Variants in SLC1A1 observed in about 807,000 individuals in gnomAD.
The protein encoded by SLC1A1 is solute carrier family 1 member 1, also known as excitatory amino acid transporter 3.
Under a neutral mutation model 53.3 loss-of-function variants are expected in SLC1A1, and 43 were observed. That is an observed-to-expected ratio of 0.81 (90% confidence interval 0.63 to 1.04). SLC1A1 has a LOEUF of 1.04. Ranked by LOEUF, SLC1A1 falls within the 50% of genes least tolerant of loss-of-function variation. The probability of loss-of-function intolerance (pLI) is 0.00; values close to 1 mark genes in which losing one functional copy is unlikely to be tolerated. For missense variants in SLC1A1, 748 were observed against 664.9 expected (o/e 1.12, Z -1.37); for synonymous variants, 307 against 243.2 (o/e 1.26, Z -2.44).
intron 1 of SLC1A1, among the ~76,000 whole-genome samples, chr9:4,531,658 G>A (rs372588676): frequency 6.6e-6 from 1 of 152,190 alleles, no homozygotes; most frequent in East Asian, 1.9e-4. Context: ...AAAGGCAGCA[G>A]AATCCTCTGC....
At chr9:4,503,010 C>T (rs1405698748) in intron 1 of SLC1A1, among the ~76,000 whole-genome samples, 3 of 151,810 alleles carry the variant, frequency 2.0e-5, no homozygotes, top group Admixed American at 6.6e-5. Context: ...AAATGTTTCA[C>T]TCACTGTTAT....
chr9:4,537,083 AC>A (rs1416635070), intron 1 of SLC1A1, among the ~76,000 whole-genome samples: 3 of 152,066 alleles, frequency 2.0e-5, no homozygotes, highest in East Asian at 3.9e-4. Context: ...TAGGAGATAT[AC>A]CTAATGTTAA....
chr9:4,563,333 C>A (rs1247369386), intron 3 of SLC1A1, among the ~76,000 whole-genome samples: 1 of 152,102 alleles, frequency 6.6e-6, no homozygotes, highest in Admixed American at 6.5e-5. Context: ...AACAAAACCA[C>A]ATCATCTCAT....
At position 4,564,344 on chromosome 9, in the gene SLC1A1, G is replaced by T. The variant is rs1460975286; in HGVS notation, c.326G>T (p.Gly109Val). Reference sequence around the variant, plus strand: ...CTGTGGACGCTGTTCTTGGCCACAGGTATTGTGCTGGTGGTGAGCATCAAG... The same window carrying T: ...CTGTGGACGCTGTTCTTGGCCACAGTTATTGTGCTGGTGGTGAGCATCAAG... ...FCTTLIAVILGIVLVVSIKPG... is the reference protein window; with the variant it reads ...FCTTLIAVILVIVLVVSIKPG... Residue 109 changes from glycine to valine, a missense_variant and splice_region_variant, in exon 4 of 12, where the codon GGT becomes GTT. Coordinates refer to ENST00000262352, the MANE Select transcript of SLC1A1 (RefSeq NM_004170.6). The T allele has an allele frequency of 6.2e-7, 1 of 1,610,194 alleles. No individual in the cohort carries two copies. The highest frequency in any genetic ancestry group is 1.3e-5 in the African/African-American group (1 of 74,848).
intron 1 of SLC1A1, among the ~76,000 whole-genome samples, chr9:4,519,081 G>C (rs566074291): frequency 1.3e-5 from 2 of 152,254 alleles, no homozygotes; most frequent in Admixed American, 1.3e-4. Flanking sequence ...TTATTAGTTT[G>C]CAGGACTGTT....
chr9:4,508,161 C>A (rs1392000047), intron 1 of SLC1A1, among the ~76,000 whole-genome samples: 1 of 151,630 alleles, frequency 6.6e-6, no homozygotes, highest in East Asian at 1.9e-4. Flanking sequence ...CACAGGAATG[C>A]AAACAAGATG....
intron 1 of SLC1A1, among the ~76,000 whole-genome samples, chr9:4,543,537 A>T (rs1429879726): frequency 6.6e-6 from 1 of 152,240 alleles, no homozygotes; most frequent in Non-Finnish European, 1.5e-5. Context: ...CAATATGGGC[A>T]TCTTGTTAAG....
chr9:4,520,959 G>A (rs1477541451), intron 1 of SLC1A1, among the ~76,000 whole-genome samples: 1 of 152,092 alleles, frequency 6.6e-6, no homozygotes, highest in Non-Finnish European at 1.5e-5. Context: ...TTTAAAAATA[G>A]CCATTCTAAT....
At chr9:4,494,840 A>G (rs1004681579) in intron 1 of SLC1A1, among the ~76,000 whole-genome samples, 6 of 152,068 alleles carry the variant, frequency 3.9e-5, no homozygotes, top group African/African-American at 1.4e-4. Flanking sequence ...CCTATTCACA[A>G]TATAATACCT....
chr9:4,548,856 C>CAATAGA (rs1817696847), intron 2 of SLC1A1, among the ~76,000 whole-genome samples: 1 of 152,010 alleles, frequency 6.6e-6, no homozygotes, highest in Non-Finnish European at 1.5e-5. Flanking sequence ...TTGTGGGTAC[C>CAATAGA]AATAGAATCC....
At position 4,490,468 on chromosome 9, in the gene SLC1A1, G is replaced by C; in HGVS notation, c.-212G>C. 1 of 333,590 alleles carries C rather than the reference G, an allele frequency of 3.0e-6. No homozygotes were observed. Among genetic ancestry groups the C allele is most frequent in the Non-Finnish European group, 5.4e-6 (1 of 185,008 alleles). The allele number at this position is 333,590 out of a possible 1,614,324, so 20.7% of individuals were successfully genotyped here. On this transcript the variant is annotated 5_prime_UTR_variant, in exon 1 of 12. Coordinates refer to ENST00000262352, the MANE Select transcript of SLC1A1 (RefSeq NM_004170.6). ...AGGAGGAGCCGGGCGCGCCTGCCAC[G>C]CAAAACTACCGGGCTGGCAGGGCGG... is the stretch of plus-strand genomic sequence containing the variant.
At chr9:4,518,384 T>G (rs1815940531) in intron 1 of SLC1A1, among the ~76,000 whole-genome samples, 1 of 151,816 alleles carries the variant, frequency 6.6e-6, no homozygotes, top group Non-Finnish European at 1.5e-5. Context: ...TTTTTGTTTT[T>G]GAGATAAGGT....
intron 10 of SLC1A1, among the ~76,000 whole-genome samples, chr9:4,579,090 T>C (rs1452227397): frequency 1.3e-5 from 2 of 152,250 alleles, no homozygotes; most frequent in African/African-American, 4.8e-5. Flanking sequence ...TTCTGTTGGC[T>C]GAAGACAAGT....
At chr9:4,490,838 C>G in intron 1 of SLC1A1, 68 bp downstream of exon 1, 1 of 1,367,944 alleles carries the variant, frequency 7.3e-7, no homozygotes, top group Admixed American at 1.9e-5. Flanking sequence ...CCGCGTGCGG[C>G]TGAGGGTGGG....
At chr9:4,531,454 C>A (rs192815162) in intron 1 of SLC1A1, among the ~76,000 whole-genome samples, 1 of 152,304 alleles carries the variant, frequency 6.6e-6, no homozygotes, top group East Asian at 1.9e-4. Flanking sequence ...GAGACTCACT[C>A]ATTGCTAGCA....
Position 4,583,242 on chromosome 9 carries a change from G to T in SLC1A1, c.1328+70G>T, listed in dbSNP as rs896210892. 6.3e-7 allele frequency: 1 copy of T among 1,592,158 alleles called. No homozygotes were observed. The highest frequency in any genetic ancestry group is 1.3e-5 in the African/African-American group (1 of 74,640). On this transcript the variant is annotated intron_variant, in intron 11 of 11. Coordinates refer to ENST00000262352, the MANE Select transcript of SLC1A1 (RefSeq NM_004170.6). The surrounding 1 kb of genome is among the most constrained non-coding windows in gnomAD (Gnocchi z 4.6). ...GCTTCCCAGCCTCGCAGGCGCTGCA[G>T]TCTGTCATCATTCTCTCCTCAGATT...
chr9:4,533,183 A>C (rs938268493), intron 1 of SLC1A1, among the ~76,000 whole-genome samples: 1 of 152,164 alleles, frequency 6.6e-6, no homozygotes, highest in Admixed American at 6.5e-5. Context: ...AGCTAAGATC[A>C]TAATGGCAGG....
At chr9:4,509,256 G>C (rs1253475243) in intron 1 of SLC1A1, among the ~76,000 whole-genome samples, 1 of 152,150 alleles carries the variant, frequency 6.6e-6, no homozygotes, top group African/African-American at 2.4e-5. Flanking sequence ...GGATTGGGGG[G>C]TGAGAAGGAC....
chr9:4,526,279 T>C (rs1564008068), intron 1 of SLC1A1, among the ~76,000 whole-genome samples: 1 of 152,078 alleles, frequency 6.6e-6, no homozygotes, highest in Non-Finnish European at 1.5e-5. Flanking sequence ...GAAAACAAAA[T>C]AGGGAATGTG....
Sources: gnomAD v4.1 joint callset for allele counts (sites outside exome capture counted in the v4.1 genomes callset) on GRCh38, gnomAD v4.1.1 for gene constraint, Gnocchi (gnomAD v3.1) non-coding constraint, MANE v1.5 for transcripts, NCBI Gene and HGNC (gene_info 2026-07-23, HGNC 2026-07-21) for gene names.